Variants in LRRFIP2 observed in about 807,000 individuals in gnomAD.
LRRFIP2 encodes the protein leucine-rich repeat flightless-interacting protein 2.
Under a neutral mutation model 125.9 loss-of-function variants are expected in LRRFIP2, and 109 were observed. That is an observed-to-expected ratio of 0.87 (90% confidence interval 0.74 to 1.01). The LOEUF (loss-of-function observed/expected upper bound fraction) is 1.01, where lower values mean the gene tolerates loss of function less well. Ranked by LOEUF, LRRFIP2 falls within the 50% of genes least tolerant of loss-of-function variation. The pLI, the probability that LRRFIP2 is intolerant of heterozygous loss-of-function variation, is 0.00. For missense variants in LRRFIP2, 850 were observed against 862.3 expected, an observed-to-expected ratio of 0.99 and a Z score of 0.18; for synonymous variants, 291 against 293.1, an observed-to-expected ratio of 0.99 and a Z score of 0.07.
intron 6 of LRRFIP2, among the ~76,000 whole-genome samples, chr3:37,118,893 T>C (rs2094905949): frequency 6.6e-6 from 1 of 152,220 alleles, no homozygotes; most frequent in Non-Finnish European, 1.5e-5. Flanking sequence ...CAAGGAAATT[T>C]AGGTCAGTGT....
intron 14 of LRRFIP2, among the ~76,000 whole-genome samples, chr3:37,103,537 G>A (rs1323601032): frequency 1.7e-4 from 26 of 152,092 alleles, no homozygotes; most frequent in Non-Finnish European, 5.9e-5. Flanking sequence ...AAACTATACC[G>A]GCCTCTTTTT....
intron 1 of LRRFIP2, among the ~76,000 whole-genome samples, chr3:37,172,525 C>T (rs1214940118): frequency 1.3e-5 from 2 of 152,136 alleles, no homozygotes; most frequent in African/African-American, 4.8e-5. Flanking sequence ...ACTTTCTTTT[C>T]ATCATATACC....
intron 15 of LRRFIP2, 38 bp from the exon 16 acceptor site, chr3:37,096,698 T>C (rs759216644): frequency 7.6e-7 from 1 of 1,312,084 alleles, no homozygotes; most frequent in Non-Finnish European, 1.1e-6. Flanking sequence ...TAAAGATGCT[T>C]AGCAAGTTGA....
At chr3:37,096,533 T>C in intron 16 of LRRFIP2, 83 bp downstream of exon 16, 1 of 856,370 alleles carries the variant, frequency 1.2e-6, no homozygotes, top group Admixed American at 2.3e-5. Context: ...TCAGACCAAT[T>C]GTTGTAAAAT....
rs187124175 is a variant in LRRFIP2 at position 37,125,410 on chromosome 3, G to A, written c.228+2220C>T. Among the ~76,000 whole-genome samples, 35 of 152,324 alleles carry A rather than the reference G, an allele frequency of 2.3e-4. No homozygotes were observed. The East Asian group carries it at 6.8e-3, about 29-fold the overall frequency. ...TAAACTAACACTAATGGGAGGCCCA[G>A]GAAGGTGTGGGTCCTTTTCTTCCTG... is the stretch of plus-strand genomic sequence containing the variant. On this transcript the variant is annotated intron_variant, in intron 4 of 27. Coordinates refer to ENST00000336686, the MANE Select transcript of LRRFIP2 (RefSeq NM_006309.4).
At position 37,060,355 on chromosome 3, in the gene LRRFIP2, CTG is replaced by C. The variant is rs977703180; in HGVS notation, c.1750-1447_1750-1446del. On this transcript the variant is annotated intron_variant, in intron 24 of 27. Transcript: ENST00000336686. The surrounding 1 kb of genome is among the most constrained non-coding windows in gnomAD (Gnocchi z 4.1). ...ACAGGGTCTCGCTCTGTGGCCCAGA[CTG>C]GAGTGCAGTGGCATGATCTCAGCTC... Among the ~76,000 whole-genome samples the C allele has an allele frequency of 2.0e-5, 3 of 152,212 alleles. No individual in the cohort carries two copies. Among genetic ancestry groups the C allele is most frequent in the African/African-American group, 7.2e-5 (3 of 41,446 alleles).
intron 19 of LRRFIP2, among the ~76,000 whole-genome samples, chr3:37,079,401 G>A (rs771968425): frequency 6.6e-5 from 10 of 152,174 alleles, no homozygotes; most frequent in South Asian, 2.1e-4. Flanking sequence ...CAGATTTATC[G>A]TATGAATCAG....
At chr3:37,070,684 C>T (rs910769691) in intron 21 of LRRFIP2, among the ~76,000 whole-genome samples, 20 of 151,944 alleles carry the variant, frequency 1.3e-4, no homozygotes, top group African/African-American at 4.6e-4. Flanking sequence ...GAGCTGAGAT[C>T]GTGCCACTAT....
intron 23 of LRRFIP2, chr3:37,064,569 C>T (rs1259854508): frequency 1.4e-5 from 2 of 138,610 alleles, no homozygotes; most frequent in Admixed American, 8.0e-5. Context: ...CCTGGGCGAC[C>T]GAGTGAGACT....
At chr3:37,081,311 C>A (rs1166558483) in intron 19 of LRRFIP2, among the ~76,000 whole-genome samples, 1 of 152,014 alleles carries the variant, frequency 6.6e-6, no homozygotes, top group African/African-American at 2.4e-5. Flanking sequence ...GGAGGAGGCA[C>A]CAAAGACATT....
chr3:37,121,569 T>C, intron 5 of LRRFIP2, 33 bp from the exon 6 acceptor site: 1 of 1,613,080 alleles, frequency 6.2e-7, no homozygotes, highest in African/African-American at 1.3e-5. Context: ...CAGTAAAAGT[T>C]TGTGAGTGAT....
intron 6 of LRRFIP2, among the ~76,000 whole-genome samples, chr3:37,116,202 G>A (rs976508558): frequency 6.6e-6 from 1 of 151,996 alleles, no homozygotes; most frequent in Non-Finnish European, 1.5e-5. Flanking sequence ...ATAGTTCACC[G>A]CAACATCGAA....
At chr3:37,111,649 C>T (rs1398089626) in intron 8 of LRRFIP2, among the ~76,000 whole-genome samples, 15 of 152,130 alleles carry the variant, frequency 9.9e-5, no homozygotes. Context: ...CTCTAGCCAA[C>T]TTTTTTACTC....
At chr3:37,101,869 G>A (rs2094075623) in intron 15 of LRRFIP2, among the ~76,000 whole-genome samples, 1 of 152,086 alleles carries the variant, frequency 6.6e-6, no homozygotes, top group East Asian at 1.9e-4. Flanking sequence ...TAAGTTGTTG[G>A]CTGGAGTTCA....
intron 1 of LRRFIP2, 131 bp from the exon 2 acceptor site, chr3:37,149,169 T>C: frequency 1.6e-6 from 1 of 611,380 alleles, no homozygotes. Context: ...TTCCAATAAA[T>C]TTTAGAATAT....
chr3:37,142,516 A>T (rs776895728), intron 2 of LRRFIP2, among the ~76,000 whole-genome samples: 2 of 152,236 alleles, frequency 1.3e-5, no homozygotes, highest in Non-Finnish European at 2.9e-5. Flanking sequence ...ATAAAGCATT[A>T]CATTGTAAAA....
chr3:37,088,253 C>T (rs1392851349), intron 18 of LRRFIP2, among the ~76,000 whole-genome samples: 1 of 152,308 alleles, frequency 6.6e-6, no homozygotes, highest in East Asian at 1.9e-4. Context: ...AGTCAATTTA[C>T]AGCTGATGGC....
chr3:37,091,633 A>G (rs2302506), intron 17 of LRRFIP2, 95 bp from the exon 18 acceptor site: 329,556 of 834,222 alleles, frequency 0.4, 70,101 homozygotes, highest in Non-Finnish European at 0.46. Flanking sequence ...ACTTTTGTAT[A>G]TTCCAGACTA....
chr3:37,143,732 G>C (rs2095783044), intron 2 of LRRFIP2: 1 of 166,370 alleles, frequency 6.0e-6, no homozygotes, highest in Non-Finnish European at 1.3e-5. Flanking sequence ...TCTGATGTTA[G>C]GGTACCAGAT....
Sources: gnomAD v4.1 joint callset for allele counts (sites outside exome capture counted in the v4.1 genomes callset) on GRCh38, gnomAD v4.1.1 for gene constraint, Gnocchi (gnomAD v3.1) non-coding constraint, MANE v1.5 for transcripts, NCBI Gene and HGNC (gene_info 2026-07-23, HGNC 2026-07-21) for gene names.